The following PAX7 variants were observed in gnomAD, a reference collection of about 807,000 sequenced individuals.
PAX7 encodes the protein paired box 7.
A neutral mutation model predicts 50.7 loss-of-function variants in PAX7; 18 were observed. The observed-to-expected ratio is 0.36, with a 90% CI of 0.25 to 0.53. PAX7 has a LOEUF of 0.53. Among genes scored for constraint, PAX7 ranks in the 20% least tolerant of loss-of-function variants. The pLI is 0.93. For missense variants in PAX7, 644 were observed against 702.9 expected (o/e 0.92, Z 0.95); for synonymous variants, 310 against 290.4 (o/e 1.07, Z -0.69).
chr1:18,732,068 TG>T (rs2089653212), intron 7 of PAX7, among the ~76,000 whole-genome samples: 2 of 152,226 alleles, frequency 1.3e-5, no homozygotes, highest in South Asian at 4.1e-4. Context: ...CTTCTCTGCC[TG>T]GAAAGCTCCC....
chr1:18,717,288 C>T (rs1395777328), intron 7 of PAX7, among the ~76,000 whole-genome samples: 2 of 152,182 alleles, frequency 1.3e-5, no homozygotes, highest in Non-Finnish European at 2.9e-5. Context: ...GGTCGCGGGG[C>T]CTCGGCCGTC....
chr1:18,733,763 C>T (rs2089676795), intron 7 of PAX7, among the ~76,000 whole-genome samples: 1 of 152,230 alleles, frequency 6.6e-6, no homozygotes, highest in African/African-American at 2.4e-5. Flanking sequence ...GTGAGACCCT[C>T]TAAAGTGATC....
intron 4 of PAX7, among the ~76,000 whole-genome samples, chr1:18,670,943 C>A (rs1317269837): frequency 6.6e-6 from 1 of 152,180 alleles, no homozygotes; most frequent in African/African-American, 2.4e-5. Flanking sequence ...TCAGAACTCA[C>A]CCAACTCCTG....
intron 3 of PAX7, among the ~76,000 whole-genome samples, 182 bp downstream of exon 3, chr1:18,635,422 GA>G (rs1337106297): frequency 2.0e-5 from 3 of 151,306 alleles, no homozygotes; most frequent in African/African-American, 2.4e-5. Flanking sequence ...AAACAGAATG[GA>G]ATAAGATGGA....
rs1457235833 is a variant in PAX7 at position 18,707,420 on chromosome 1, T to C, written c.1155+4124T>C. ...TTCCTTTTCTTTTTTTCTTTCTTTTTTTTTTTTTTTTTTTTTTGAGATAGG... is the reference window on the plus strand; with the variant it reads ...TTCCTTTTCTTTTTTTCTTTCTTTTCTTTTTTTTTTTTTTTTTGAGATAGG... On this transcript the variant is annotated intron_variant, in intron 7 of 8. Coordinates refer to ENST00000420770, the MANE Select transcript of PAX7 (RefSeq NM_001135254.2). Among the ~76,000 whole-genome samples the C allele has an allele frequency of 2.1e-4, 30 of 141,398 alleles. 1 individual carries two copies. Among genetic ancestry groups the C allele is most frequent in the Admixed American group, 1.5e-3 (21 of 14,270 alleles). The allele number at this position is 141,398 out of a possible 152,430, so 92.8% of individuals were successfully genotyped here.
chr1:18,649,148 G>T (rs2088393372), intron 4 of PAX7, among the ~76,000 whole-genome samples: 1 of 152,162 alleles, frequency 6.6e-6, no homozygotes, highest in South Asian at 2.1e-4. Flanking sequence ...GGTCCAGAGG[G>T]AGTGACATGA....
intron 7 of PAX7, among the ~76,000 whole-genome samples, chr1:18,704,649 G>A (rs1467060952): frequency 6.6e-6 from 1 of 151,720 alleles, no homozygotes; most frequent in Non-Finnish European, 1.5e-5. Context: ...TAAAAAGAGA[G>A]ACCATGTGGT....
intron 5 of PAX7, among the ~76,000 whole-genome samples, chr1:18,696,718 T>C (rs2089154489): frequency 6.6e-6 from 1 of 151,888 alleles, no homozygotes; most frequent in Non-Finnish European, 1.5e-5. Context: ...CTCATGGAGA[T>C]AGAGAGTAGA....
chr1:18,653,204 C>CT (rs915535001), intron 4 of PAX7, among the ~76,000 whole-genome samples: 59 of 144,468 alleles, frequency 4.1e-4, no homozygotes, highest in Admixed American at 6.9e-4. Context: ...TTTTTCATTT[C>CT]TTTTTTTTTT....
intron 4 of PAX7, among the ~76,000 whole-genome samples, chr1:18,655,631 C>A (rs569846565): frequency 6.6e-6 from 1 of 152,340 alleles, no homozygotes; most frequent in Admixed American, 6.5e-5. Flanking sequence ...AGTCTGGCGG[C>A]CTCCGCTAAT....
intron 1 of PAX7, among the ~76,000 whole-genome samples, chr1:18,633,279 C>T (rs947452137): frequency 6.6e-6 from 1 of 152,196 alleles, no homozygotes; most frequent in African/African-American, 2.4e-5. Context: ...TCTAATCTTC[C>T]AGATCTCCGC....
In PAX7 at chr1:18,726,393, A is replaced by G. The variant is rs2089572211; in HGVS notation, c.1156-9239A>G. Reference sequence around the variant, plus strand: ...CTGTGCTAGATCCTGTGCTCAGGATAAAAAGATAAATTCATTTCTTCATTC... The same window carrying G: ...CTGTGCTAGATCCTGTGCTCAGGATGAAAAGATAAATTCATTTCTTCATTC... On this transcript the variant is annotated intron_variant, in intron 7 of 8. Transcript: ENST00000420770. The surrounding 1 kb of genome is among the most constrained non-coding windows in gnomAD (Gnocchi z 4.8). Among the ~76,000 whole-genome samples, 2 of 152,338 alleles carry G rather than the reference A, an allele frequency of 1.3e-5. No homozygotes were observed. The highest frequency in any genetic ancestry group is 3.4e-3 in the Middle Eastern group (1 of 294).
chr1:18,649,930 T>C (rs1436496167), intron 4 of PAX7, among the ~76,000 whole-genome samples: 1 of 152,200 alleles, frequency 6.6e-6, no homozygotes, highest in African/African-American at 2.4e-5. Context: ...ATCCACCTAG[T>C]GGTTTTCAAA....
intron 8 of PAX7, 125 bp from the exon 9 acceptor site, chr1:18,744,689 A>AGATGG (rs1220454312): frequency 5.0e-6 from 2 of 400,512 alleles, no homozygotes; most frequent in African/African-American, 2.9e-5. Context: ...TGGATGGATA[A>AGATGG]ATGGATGGAT....
At chr1:18,734,977 C>T (rs540365361) in intron 7 of PAX7, among the ~76,000 whole-genome samples, 95 of 152,282 alleles carry the variant, frequency 6.2e-4, no homozygotes, top group African/African-American at 1.8e-3. Context: ...TTCCTATTTG[C>T]GGAACCTGGC....
intron 4 of PAX7, among the ~76,000 whole-genome samples, chr1:18,688,410 T>G (rs542863551): frequency 5.1e-4 from 78 of 152,352 alleles, no homozygotes; most frequent in Admixed American, 2.6e-3. Context: ...CAGCCACGTG[T>G]GACTATGCAA....
intron 8 of PAX7, among the ~76,000 whole-genome samples, chr1:18,738,828 G>A (rs1930955132): frequency 6.6e-6 from 1 of 152,170 alleles, no homozygotes; most frequent in African/African-American, 2.4e-5. Context: ...CTGAGCCTCA[G>A]TCTTCCCATC....
chr1:18,725,480 C>G (rs902548460), intron 7 of PAX7, among the ~76,000 whole-genome samples: 1 of 152,170 alleles, frequency 6.6e-6, no homozygotes, highest in Non-Finnish European at 1.5e-5. Context: ...CACCTGGAGC[C>G]GCTGACAAAC....
intron 4 of PAX7, among the ~76,000 whole-genome samples, chr1:18,655,204 A>G (rs1255322096): frequency 1.3e-5 from 2 of 152,224 alleles, no homozygotes; most frequent in Non-Finnish European, 2.9e-5. Flanking sequence ...AGGGGCCAGA[A>G]GCTGGTCTCC....
Sources: gnomAD v4.1 joint callset for allele counts (sites outside exome capture counted in the v4.1 genomes callset) on GRCh38, gnomAD v4.1.1 for gene constraint, Gnocchi (gnomAD v3.1) non-coding constraint, MANE v1.5 for transcripts, NCBI Gene and HGNC (gene_info 2026-07-23, HGNC 2026-07-21) for gene names.